FGD4: variants seen among roughly 807,000 people sequenced by gnomAD.
The protein encoded by FGD4 is FYVE, RhoGEF and PH domain-containing protein 4.
Under a neutral mutation model 102.0 loss-of-function variants are expected in FGD4, and 42 were observed. The observed-to-expected ratio is 0.41, with a 90% CI of 0.32 to 0.53. FGD4 has a LOEUF of 0.53. Ranked by LOEUF, FGD4 falls within the 20% of genes least tolerant of loss-of-function variation. FGD4 has a pLI of 0.21. For missense variants in FGD4, 902 were observed against 1,078.2 expected, an observed-to-expected ratio of 0.84 and a Z score of 2.29; for synonymous variants, 380 against 375.7, an observed-to-expected ratio of 1.01 and a Z score of -0.13.
chr12:32,473,737 T>C (rs2136526596), intron 1 of FGD4, among the ~76,000 whole-genome samples: 1 of 152,178 alleles, frequency 6.6e-6, no homozygotes, highest in East Asian at 1.9e-4. Flanking sequence ...CACCCCAACA[T>C]ATAATGGTAA....
intron 1 of FGD4, among the ~76,000 whole-genome samples, chr12:32,503,181 A>G (rs1198791211): frequency 6.6e-6 from 1 of 152,226 alleles, no homozygotes; most frequent in African/African-American, 2.4e-5. Context: ...AGTGCTGTCT[A>G]TAGTCTGGAT....
At chr12:32,614,905 C>T (rs1465487210) in intron 10 of FGD4, among the ~76,000 whole-genome samples, 1 of 152,100 alleles carries the variant, frequency 6.6e-6, no homozygotes, top group South Asian at 2.1e-4. Flanking sequence ...TTTTAAAAGT[C>T]TTTTTGTGTC....
chr12:32,553,468 T>C lies in FGD4; in HGVS notation c.167-10669T>C, dbSNP rs1943865654. On this transcript the variant is annotated intron_variant, in intron 1 of 16. Transcript: ENST00000534526. ...ATATTTCTAGTCTGAAAATTATTGT[T>C]TTAAAAATTATTTTTGTCTTGAGAG... Among the ~76,000 whole-genome samples, 3 of 152,332 alleles carry C rather than the reference T, an allele frequency of 2.0e-5. No individual in the cohort carries two copies. The South Asian group carries it at 6.2e-4, about 32-fold the overall frequency.
intron 1 of FGD4, among the ~76,000 whole-genome samples, chr12:32,526,819 C>T (rs377722135): frequency 9.2e-5 from 14 of 152,256 alleles, no homozygotes; most frequent in South Asian, 8.3e-4. Flanking sequence ...CCAGATGCCC[C>T]GCCTTAAAAG....
At chr12:32,489,008 A>G (rs1421268578) in intron 1 of FGD4, among the ~76,000 whole-genome samples, 1 of 152,228 alleles carries the variant, frequency 6.6e-6, no homozygotes, top group Non-Finnish European at 1.5e-5. Flanking sequence ...GAATATATTT[A>G]TTTGTAAGAC....
chr12:32,400,899 C>A (rs1408454880), intron 1 of FGD4, among the ~76,000 whole-genome samples: 1 of 152,044 alleles, frequency 6.6e-6, no homozygotes, highest in African/African-American at 2.4e-5. Context: ...CCCTTTTAGT[C>A]CTGGTTCTGA....
intron 1 of FGD4, among the ~76,000 whole-genome samples, chr12:32,443,125 CTT>C (rs1331012594): frequency 1.3e-5 from 2 of 152,148 alleles, no homozygotes; most frequent in Admixed American, 6.5e-5. Context: ...TAGGTTGTCT[CTT>C]TGCTCTTATT....
chr12:32,534,522 G>A, intron 1 of FGD4: 1 of 1,425,192 alleles, frequency 7.0e-7, no homozygotes, highest in Non-Finnish European at 9.2e-7. Context: ...TTTTCTAGTA[G>A]ATATATTTTT....
chr12:32,494,866 A>G (rs998892173), intron 1 of FGD4, among the ~76,000 whole-genome samples: 1 of 152,196 alleles, frequency 6.6e-6, no homozygotes, highest in East Asian at 1.9e-4. Context: ...TGAGGAGTGA[A>G]TAAGAGGTGA....
intron 1 of FGD4, among the ~76,000 whole-genome samples, chr12:32,520,487 G>A (rs369014061): frequency 1.3e-5 from 2 of 150,280 alleles, no homozygotes; most frequent in East Asian, 3.9e-4. Flanking sequence ...CCAGGCTGGA[G>A]TGCAGTGGTG....
In FGD4 at chr12:32,547,670, T is replaced by C. The variant is rs964852758; in HGVS notation, c.167-16467T>C. Among the ~76,000 whole-genome samples the C allele has an allele frequency of 3.9e-5, 6 of 152,260 alleles. No individual in the cohort carries two copies. The South Asian group carries it at 6.2e-4, about 16-fold the overall frequency. On this transcript the variant is annotated intron_variant, in intron 1 of 16. Coordinates refer to ENST00000534526, the MANE Select transcript of FGD4 (RefSeq NM_001370298.3). ...AACAGTAGTAAGAATAGCAGTAGTATTTAAAAGCAAGTTTGCATTAGTTTT... is the reference window on the plus strand; with the variant it reads ...AACAGTAGTAAGAATAGCAGTAGTACTTAAAAGCAAGTTTGCATTAGTTTT...
At chr12:32,520,903 T>A (rs1048721878) in intron 1 of FGD4, among the ~76,000 whole-genome samples, 1 of 152,178 alleles carries the variant, frequency 6.6e-6, no homozygotes, top group Non-Finnish European at 1.5e-5. Context: ...AGCCTTCTCT[T>A]ACCCTCCGCT....
At chr12:32,524,908 A>G (rs796989458) in intron 1 of FGD4, among the ~76,000 whole-genome samples, 52 of 152,342 alleles carry the variant, frequency 3.4e-4, no homozygotes, top group African/African-American at 1.2e-3. Flanking sequence ...ATTGTTGATT[A>G]GGAAAATACA....
intron 1 of FGD4, among the ~76,000 whole-genome samples, chr12:32,500,112 G>A (rs901247006): frequency 6.6e-6 from 1 of 152,188 alleles, no homozygotes; most frequent in Non-Finnish European, 1.5e-5. Context: ...CTGGGAGGTG[G>A]TGTAGCGCAA....
At chr12:32,465,221 C>T (rs2136504307) in intron 1 of FGD4, among the ~76,000 whole-genome samples, 1 of 144,630 alleles carries the variant, frequency 6.9e-6, no homozygotes, top group Middle Eastern at 3.4e-3. Context: ...GACCAGAAGC[C>T]TTACTGATAA....
intron 2 of FGD4, 78 bp from the exon 3 acceptor site, chr12:32,576,188 T>C: frequency 7.1e-7 from 1 of 1,408,480 alleles, no homozygotes; most frequent in East Asian, 2.5e-5. Flanking sequence ...TGAATATTTT[T>C]GCACCCAGGA....
At chr12:32,429,016 G>A (rs1328903773) in intron 1 of FGD4, among the ~76,000 whole-genome samples, 1 of 152,140 alleles carries the variant, frequency 6.6e-6, no homozygotes, top group African/African-American at 2.4e-5. Flanking sequence ...ACCTTCTGAA[G>A]CCTACTTCTG....
intron 1 of FGD4, chr12:32,502,178 G>A: frequency 1.0e-6 from 1 of 985,514 alleles, no homozygotes; most frequent in Non-Finnish European, 1.2e-6. Flanking sequence ...TGCTGGGCTG[G>A]GAAGTGGGGA....
rs985219583 is a variant in FGD4, at chr12:32,611,324, A to G, written c.1749+41A>G. 27 of 1,611,150 alleles carry G rather than the reference A, an allele frequency of 1.7e-5. No individual in the cohort carries two copies. The Admixed American group carries it at 2.3e-4, about 14-fold the overall frequency. ...TTGGCAAGTCATATAAGAATTATATATAAAAATATGGCTGGGCACGGTGGC... is the reference window on the plus strand; with the variant it reads ...TTGGCAAGTCATATAAGAATTATATGTAAAAATATGGCTGGGCACGGTGGC... On this transcript the variant is annotated intron_variant, in intron 10 of 16. Coordinates refer to ENST00000534526, the MANE Select transcript of FGD4 (RefSeq NM_001370298.3).
Sources: allele counts gnomAD v4.1 joint callset (sites outside exome capture counted in the v4.1 genomes callset), GRCh38; gene constraint gnomAD v4.1.1; transcripts MANE v1.5; gene names NCBI Gene and HGNC (gene_info 2026-07-23, HGNC 2026-07-21).